GREM1: variants seen among roughly 807,000 people sequenced by gnomAD.
GREM1 encodes the protein gremlin-1.
In GREM1, 6 loss-of-function variants were observed where a neutral mutation model predicts 13.1. The ratio of observed to expected loss-of-function variants is 0.46; its 90% CI spans 0.25 to 0.91. The LOEUF (loss-of-function observed/expected upper bound fraction) is 0.91. Among genes scored for constraint, GREM1 ranks in the 40% least tolerant of loss-of-function variants. The pLI is 0.18. For synonymous variants in GREM1, 98 were observed against 93.7 expected (o/e 1.05, Z -0.27); for missense variants, 185 against 233.9 (o/e 0.79, Z 1.36).
At chr15:32,724,179 A>C (rs542368011) in intron 1 of GREM1, among the ~76,000 whole-genome samples, 2 of 152,388 alleles carry the variant, frequency 1.3e-5, no homozygotes, top group African/African-American at 4.8e-5. Context: ...AAAGTTGAGT[A>C]TAAAGAAAGC....
rs1046857377 is a variant in GREM1, at chr15:32,718,068, C to G, written c.-95C>G. On this transcript the variant is annotated 5_prime_UTR_variant, in exon 1 of 2. Coordinates refer to ENST00000651154, the MANE Select transcript of GREM1 (RefSeq NM_013372.7). ...GGCCGCCGCGTCACTCTCGGTCCCGCTGACCCCGCGCCGAGCCCCGGCGGC... is the reference window on the plus strand; with the variant it reads ...GGCCGCCGCGTCACTCTCGGTCCCGGTGACCCCGCGCCGAGCCCCGGCGGC... 1.5e-5 allele frequency: 18 copies of G among 1,212,672 alleles called. No individual in the cohort carries two copies. The Admixed American group carries it at 4.1e-4, about 27-fold the overall frequency. 75.1% of individuals were successfully genotyped at this position (1,212,672 alleles called of 1,614,324 possible). A position where few individuals can be genotyped will look rare whatever the true frequency, so the allele number is the denominator to read the frequency against.
At position 32,730,950 on chromosome 15, in the gene GREM1, A is replaced by G; in HGVS notation, c.260A>G (p.Lys87Arg). The G allele has an allele frequency of 6.2e-7, 1 of 1,614,120 alleles. No individual in the cohort carries two copies. The highest frequency in any genetic ancestry group is 8.5e-7 in the Non-Finnish European group (1 of 1,180,026). The stretch of plus-strand genomic sequence containing the variant: ...GAGGCCCTGCATGTGACGGAGCGCA[A>G]ATACCTGAAGCGAGACTGGTGCAAA... ...SQEALHVTER[K>R]YLKRDWCKTQ... Residue 87 changes from lysine to arginine, a missense_variant, in exon 2 of 2, where the codon AAA becomes AGA. Physicochemically the swap from Lys to Arg is conservative, Grantham distance 26. Coordinates refer to ENST00000651154, the MANE Select transcript of GREM1 (RefSeq NM_013372.7).
Position 32,741,483 on chromosome 15 carries a change from A to T in GREM1, c.*10238A>T, listed in dbSNP as rs1018671595. On this transcript the variant is annotated 3_prime_UTR_variant, in exon 2 of 2. Transcript: ENST00000651154. ...TCCTAATTTTTGTTTAAGATAGTTC[A>T]TCGTTGGTATAGAAATGCCATTGAT... The T allele has an allele frequency of 4.0e-5, 6 of 151,418 alleles. No homozygotes were observed. The highest frequency in any genetic ancestry group is 1.5e-4 in the African/African-American group (6 of 41,204). The allele number at this position is 151,418 out of a possible 1,614,324, so 9.4% of individuals were successfully genotyped here. A position where few individuals can be genotyped will look rare whatever the true frequency, so the allele number is the denominator to read the frequency against.
At chr15:32,724,175 G>C (rs2055457740) in intron 1 of GREM1, among the ~76,000 whole-genome samples, 1 of 152,242 alleles carries the variant, frequency 6.6e-6, no homozygotes, top group Non-Finnish European at 1.5e-5. Context: ...AGGAAAAGTT[G>C]AGTATAAAGA....
rs916823744 is a variant in GREM1 at position 32,732,194 on chromosome 15, A to T, written c.*949A>T. On this transcript the variant is annotated 3_prime_UTR_variant, in exon 2 of 2. Coordinates refer to ENST00000651154, the MANE Select transcript of GREM1 (RefSeq NM_013372.7). ...AACCAACTCCTCTGCTTTGTCCCTC[A>T]GGTGGAAAAGAGAGGTAGTTTAGAA... 1 of 241,300 alleles carries T rather than the reference A, an allele frequency of 4.1e-6. No homozygotes were observed. The highest frequency in any genetic ancestry group is 5.7e-5 in the Admixed American group (1 of 17,582). The allele number at this position is 241,300 out of a possible 1,614,324, so 14.9% of individuals were successfully genotyped here.
chr15:32,721,820 C>T (rs537373111), intron 1 of GREM1, among the ~76,000 whole-genome samples: 2 of 152,186 alleles, frequency 1.3e-5, no homozygotes, highest in African/African-American at 2.4e-5. Flanking sequence ...GTAACTTGGC[C>T]GTCTCTCAGC....
chr15:32,722,933 A>G (rs2055434182), intron 1 of GREM1, among the ~76,000 whole-genome samples: 1 of 152,222 alleles, frequency 6.6e-6, no homozygotes, highest in African/African-American at 2.4e-5. Context: ...ACTGTCTGCA[A>G]AAAAGAATCA....
intron 1 of GREM1, among the ~76,000 whole-genome samples, chr15:32,729,929 T>A (rs202118460): frequency 5.9e-5 from 9 of 152,258 alleles, no homozygotes; most frequent in Middle Eastern, 3.2e-3. Context: ...TCACGTCACC[T>A]ACACGCTACT....
intron 1 of GREM1, among the ~76,000 whole-genome samples, chr15:32,729,225 C>T (rs570787120): frequency 3.9e-5 from 6 of 152,132 alleles, no homozygotes; most frequent in South Asian, 2.1e-4. Flanking sequence ...GGGGTTTCAC[C>T]GTGTTAGCCA....
chr15:32,726,432 G>A (rs1272165178), intron 1 of GREM1, among the ~76,000 whole-genome samples: 2 of 152,200 alleles, frequency 1.3e-5, no homozygotes, highest in East Asian at 3.9e-4. Flanking sequence ...AAATAAATAG[G>A]TTCTTTGAAA....
In GREM1 at chr15:32,738,121, A is replaced by G. The variant is rs113514660; in HGVS notation, c.*6876A>G. 5.2e-3 allele frequency: 150 copies of G among 28,978 alleles called. 12 individuals carry two copies. Among genetic ancestry groups the G allele is most frequent in the African/African-American group, 9.9e-3 (55 of 5,554 alleles). 1.8% of individuals were successfully genotyped at this position (28,978 alleles called of 1,614,324 possible). ...AAAAAAAAAAAAAAAAAAAAAAAAA[A>G]AAAAAAAAAAAAGAAAAGAAAAAAG... On this transcript the variant is annotated 3_prime_UTR_variant, in exon 2 of 2. Coordinates refer to ENST00000651154, the MANE Select transcript of GREM1 (RefSeq NM_013372.7).
chr15:32,733,854 C>A lies in GREM1; in HGVS notation c.*2609C>A, dbSNP rs1385228787. On this transcript the variant is annotated 3_prime_UTR_variant, in exon 2 of 2. Coordinates refer to ENST00000651154, the MANE Select transcript of GREM1 (RefSeq NM_013372.7). ...TGCTTGGCATTAAAAGAAAAAAACA[C>A]ACATCCTGGAAGTCTGTAAGTTGTT... is the stretch of plus-strand genomic sequence containing the variant. 2 of 240,022 alleles carry A rather than the reference C, an allele frequency of 8.3e-6. No individual in the cohort carries two copies. The highest frequency in any genetic ancestry group is 1.1e-4 in the Admixed American group (2 of 17,500). The allele number at this position is 240,022 out of a possible 1,614,324, so 14.9% of individuals were successfully genotyped here. A position where few individuals can be genotyped will look rare whatever the true frequency, so the allele number is the denominator to read the frequency against.
rs926326830 is a variant in GREM1, at chr15:32,737,005, T to C, written c.*5760T>C. ...TCTCAGCATCTAAACCAAATTTTGGTGACATTTCATCTTGTTTATGCAGAT... is the reference window on the plus strand; with the variant it reads ...TCTCAGCATCTAAACCAAATTTTGGCGACATTTCATCTTGTTTATGCAGAT... On this transcript the variant is annotated 3_prime_UTR_variant, in exon 2 of 2. Coordinates refer to ENST00000651154, the MANE Select transcript of GREM1 (RefSeq NM_013372.7). The C allele has an allele frequency of 2.6e-5, 4 of 152,176 alleles. No individual in the cohort carries two copies. The highest frequency in any genetic ancestry group is 4.4e-5 in the Non-Finnish European group (3 of 68,050). 9.4% of individuals were successfully genotyped at this position (152,176 alleles called of 1,614,324 possible). A position where few individuals can be genotyped will look rare whatever the true frequency, so the allele number is the denominator to read the frequency against.
chr15:32,744,544 G>C lies in GREM1; in HGVS notation c.*13299G>C, dbSNP rs1364527273. ...GCCGAGATCACGCCACTGCGCTCCA[G>C]CCTGGGCGACAGAGTGAGACTCAGC... On this transcript the variant is annotated 3_prime_UTR_variant, in exon 2 of 2. Transcript: ENST00000651154. 1 of 145,890 alleles carries C rather than the reference G, an allele frequency of 6.9e-6. No individual in the cohort carries two copies. Among genetic ancestry groups the C allele is most frequent in the Non-Finnish European group, 1.5e-5 (1 of 67,174 alleles). The allele number at this position is 145,890 out of a possible 1,614,324, so 9.0% of individuals were successfully genotyped here. A position where few individuals can be genotyped will look rare whatever the true frequency, so the allele number is the denominator to read the frequency against.
chr15:32,735,166 G>A lies in GREM1; in HGVS notation c.*3921G>A, dbSNP rs1398596826. On this transcript the variant is annotated 3_prime_UTR_variant, in exon 2 of 2. Transcript: ENST00000651154. The stretch of plus-strand genomic sequence containing the variant: ...TTAATAGGGATGTGAAGTAGAGTAA[G>A]TCACTGCCCTTGGTGTGCAATTGTG... 1 of 152,178 alleles carries A rather than the reference G, an allele frequency of 6.6e-6. No individual in the cohort carries two copies. The highest frequency in any genetic ancestry group is 1.5e-5 in the Non-Finnish European group (1 of 68,042). 9.4% of individuals were successfully genotyped at this position (152,178 alleles called of 1,614,324 possible). A position where few individuals can be genotyped will look rare whatever the true frequency, so the allele number is the denominator to read the frequency against.
Position 32,731,185 on chromosome 15 carries a change from C to T in GREM1, c.495C>T (p.Thr165=), listed in dbSNP as rs1217871499. 2 of 1,614,112 alleles carry T rather than the reference C, an allele frequency of 1.2e-6. No individual in the cohort carries two copies. Among genetic ancestry groups the T allele is most frequent in the Non-Finnish European group, 1.7e-6 (2 of 1,180,014 alleles). Reference sequence around the variant, plus strand: ...ACTGCCCTGAACTACAGCCACCTACCAAGAAGAAGAGAGTCACACGTGTGA... The same window carrying T: ...ACTGCCCTGAACTACAGCCACCTACTAAGAAGAAGAGAGTCACACGTGTGA... ...TLNCPELQPP[T]KKKRVTRVKQ... Residue 165 remains threonine, a synonymous_variant, in exon 2 of 2, where the codon ACC becomes ACT. Coordinates refer to ENST00000651154, the MANE Select transcript of GREM1 (RefSeq NM_013372.7).
intron 1 of GREM1, chr15:32,718,616 G>C: frequency 2.7e-6 from 1 of 374,372 alleles, no homozygotes. Flanking sequence ...GCCGCGCTGG[G>C]TCTGGGGGCG....
In GREM1 at chr15:32,731,626, A is replaced by G. The variant is rs2055621103; in HGVS notation, c.*381A>G. On this transcript the variant is annotated 3_prime_UTR_variant, in exon 2 of 2. Transcript: ENST00000651154. Reference sequence around the variant, plus strand: ...CTCCTTTCGGAATGAATGTTCATGGAAGAGGCTCCTCTGAGGGCAAGAGAC... The same window carrying G: ...CTCCTTTCGGAATGAATGTTCATGGGAGAGGCTCCTCTGAGGGCAAGAGAC... 1.6e-5 allele frequency: 5 copies of G among 313,894 alleles called. No homozygotes were observed. Among genetic ancestry groups the G allele is most frequent in the Non-Finnish European group, 3.1e-5 (5 of 161,492 alleles). 19.4% of individuals were successfully genotyped at this position (313,894 alleles called of 1,614,324 possible).
At position 32,738,083 on chromosome 15, in the gene GREM1, C is replaced by CAAAAAAAAAA. The variant is rs67118209; in HGVS notation, c.*6879_*6888dup. The CAAAAAAAAAA allele has an allele frequency of 2.1e-4, 4 of 18,928 alleles. No individual in the cohort carries two copies. The highest frequency in any genetic ancestry group is 7.7e-4 in the Admixed American group (1 of 1,300). The allele number at this position is 18,928 out of a possible 1,614,324, so 1.2% of individuals were successfully genotyped here. On this transcript the variant is annotated 3_prime_UTR_variant, in exon 2 of 2. Transcript: ENST00000651154. Reference sequence around the variant, plus strand: ...GGAGGTTCTACCTAGGGTAATTAGGCAAAAAAAAAAAAAAAAAAAAAAAAA... The same window carrying CAAAAAAAAAA: ...GGAGGTTCTACCTAGGGTAATTAGGCAAAAAAAAAAAAAAAAAAAAAAAAAAAAAAAAAAA...
Sources: allele counts gnomAD v4.1 joint callset (sites outside exome capture counted in the v4.1 genomes callset), GRCh38; gene constraint gnomAD v4.1.1; transcripts MANE v1.5; gene names NCBI Gene and HGNC (gene_info 2026-07-23, HGNC 2026-07-21).